The following DHX35 variants were observed in gnomAD, a reference collection of about 807,000 sequenced individuals.
DHX35 encodes probable ATP-dependent RNA helicase DHX35.
In DHX35, 84 loss-of-function variants were observed where a neutral mutation model predicts 99.6. That is an observed-to-expected ratio of 0.84 (90% CI 0.71 to 1.01). The LOEUF (loss-of-function observed/expected upper bound fraction) is 1.01, where lower values mean the gene tolerates loss of function less well. Ranked by LOEUF, DHX35 falls within the 50% of genes least tolerant of loss-of-function variation. The pLI, the probability that DHX35 is intolerant of heterozygous loss-of-function variation, is 0.00. For missense variants in DHX35, 852 were observed against 888.5 expected (o/e 0.96, Z 0.52); for synonymous variants, 331 against 316.2 (o/e 1.05, Z -0.50).
At chr20:38,981,196 G>C (rs2086166411) in intron 3 of DHX35, among the ~76,000 whole-genome samples, 1 of 152,070 alleles carries the variant, frequency 6.6e-6, no homozygotes. Context: ...ATGTATCTTG[G>C]GGGACATATT....
chr20:38,978,383 G>T (rs1294740463), intron 3 of DHX35: 2 of 704,348 alleles, frequency 2.8e-6, no homozygotes, highest in African/African-American at 1.7e-5. Flanking sequence ...TAGTTCTGGG[G>T]CCTCACAGGG....
At chr20:38,984,539 C>T (rs552560098) in intron 4 of DHX35, among the ~76,000 whole-genome samples, 3 of 152,062 alleles carry the variant, frequency 2.0e-5, no homozygotes, top group African/African-American at 7.2e-5. Context: ...TAAATGTTCA[C>T]CGCAAGATAA....
intron 2 of DHX35, among the ~76,000 whole-genome samples, chr20:38,970,396 C>T (rs2085976497): frequency 6.6e-6 from 1 of 152,192 alleles, no homozygotes; most frequent in Non-Finnish European, 1.5e-5. Context: ...AACTGACTGT[C>T]TCTGGGTTTC....
chr20:39,015,131 G>A (rs761727218), intron 14 of DHX35, among the ~76,000 whole-genome samples, 197 bp downstream of exon 14: 1 of 152,138 alleles, frequency 6.6e-6, no homozygotes, highest in Admixed American at 6.5e-5. Context: ...AATTATGACA[G>A]CCAGTATATA....
Position 39,034,208 on chromosome 20 carries a change from T to C in DHX35, c.1958T>C (p.Val653Ala). Reference protein sequence around the residue: ...VLYAEKPPRWVIYNEVIQTSK... With the variant: ...VLYAEKPPRWAIYNEVIQTSK... Reference sequence around the variant, plus strand: ...CTCATGTTTCTTTCTCATTTCAGGGTCATCTATAACGAAGTTATACAGACC... The same window carrying C: ...CTCATGTTTCTTTCTCATTTCAGGGCCATCTATAACGAAGTTATACAGACC... The change falls in exon 21 of 22, where the codon GTC becomes GCC. Residue 653 changes from valine to alanine, a missense_variant and splice_region_variant. Physicochemically the swap from Val to Ala is moderately conservative, Grantham distance 64. Transcript: ENST00000252011. 6.2e-7 allele frequency: 1 copy of C among 1,610,706 alleles called. No homozygotes were observed. Among genetic ancestry groups the C allele is most frequent in the Non-Finnish European group, 8.5e-7 (1 of 1,177,206 alleles).
intron 3 of DHX35, among the ~76,000 whole-genome samples, chr20:38,979,307 A>G (rs1219411335): frequency 6.6e-6 from 1 of 152,216 alleles, no homozygotes; most frequent in Non-Finnish European, 1.5e-5. Flanking sequence ...GCACACATAT[A>G]GATATTTTTA....
intron 15 of DHX35, 40 bp from the exon 16 acceptor site, chr20:39,021,801 C>T: frequency 1.3e-6 from 2 of 1,590,410 alleles, no homozygotes; most frequent in African/African-American, 1.3e-5. Context: ...CTTGTTGGCA[C>T]ATTATATGGT....
chr20:38,967,601 C>G (rs967650218), intron 1 of DHX35, among the ~76,000 whole-genome samples: 3 of 152,188 alleles, frequency 2.0e-5, no homozygotes, highest in Non-Finnish European at 4.4e-5. Flanking sequence ...TATGTTTCTC[C>G]TGAGTTGTTT....
intron 3 of DHX35, among the ~76,000 whole-genome samples, chr20:38,980,996 T>A (rs927998030): frequency 8.5e-5 from 13 of 152,214 alleles, no homozygotes; most frequent in Non-Finnish European, 1.8e-4. Flanking sequence ...TATGTCATGT[T>A]TTCTCATGAT....
At chr20:38,967,129 G>A (rs546107965) in intron 1 of DHX35, among the ~76,000 whole-genome samples, 8 of 25,674 alleles carry the variant, frequency 3.1e-4, no homozygotes, top group African/African-American at 1.4e-3. Flanking sequence ...GCTCTAGGGG[G>A]TCTACGGACC....
intron 21 of DHX35, among the ~76,000 whole-genome samples, chr20:39,035,882 TTA>T (rs1323577046): frequency 1.3e-5 from 2 of 152,246 alleles, no homozygotes; most frequent in Admixed American, 1.3e-4. Context: ...TTTCACACCT[TTA>T]TAGTTCTTCA....
intron 12 of DHX35, among the ~76,000 whole-genome samples, chr20:39,008,822 C>G (rs2086657363): frequency 6.6e-6 from 1 of 152,222 alleles, no homozygotes; most frequent in Admixed American, 6.5e-5. Flanking sequence ...CCCAACAGAT[C>G]CTCCTTGTCC....
chr20:38,988,735 C>T (rs1249964313), intron 4 of DHX35, 78 bp from the exon 5 acceptor site: 11 of 1,580,166 alleles, frequency 7.0e-6, no homozygotes, highest in Non-Finnish European at 7.8e-6. Flanking sequence ...ATATAAATGA[C>T]CTTTAGATTT....
chr20:38,971,998 TG>T (rs375292456), intron 2 of DHX35, among the ~76,000 whole-genome samples: 1,749 of 135,672 alleles, frequency 0.013, 85 homozygotes, highest in Non-Finnish European at 0.019. Context: ...TTTTTTGTTT[TG>T]TTTTGTTTTT....
intron 15 of DHX35, among the ~76,000 whole-genome samples, chr20:39,020,920 C>G (rs1047762631): frequency 3.3e-5 from 5 of 152,112 alleles, no homozygotes; most frequent in African/African-American, 9.7e-5. Flanking sequence ...GCCTTGGCCT[C>G]CCAAAGTGCT....
intron 3 of DHX35, among the ~76,000 whole-genome samples, chr20:38,975,030 A>G (rs772154699): frequency 2.0e-5 from 3 of 152,176 alleles, no homozygotes; most frequent in Non-Finnish European, 4.4e-5. Flanking sequence ...TATGTTAACA[A>G]TGTGTTGTTG....
chr20:38,973,414 C>T (rs1466745281), intron 3 of DHX35, among the ~76,000 whole-genome samples: 2 of 152,172 alleles, frequency 1.3e-5, no homozygotes, highest in Non-Finnish European at 2.9e-5. Context: ...GCACCCAGAT[C>T]AAGAAGCAGA....
At chr20:39,011,357 A>G (rs891958534) in intron 13 of DHX35, among the ~76,000 whole-genome samples, 2 of 151,354 alleles carry the variant, frequency 1.3e-5, no homozygotes, top group African/African-American at 2.4e-5. Flanking sequence ...TTATTTTCTG[A>G]GACAGTCTCA....
At chr20:39,017,192 C>A (rs114750571) in intron 14 of DHX35, among the ~76,000 whole-genome samples, 1,553 of 152,078 alleles carry the variant, frequency 0.01, 30 homozygotes, top group African/African-American at 0.033. Flanking sequence ...TTTTAAGTTA[C>A]TTTTTTGGTA....
Sources: allele counts gnomAD v4.1 joint callset (sites outside exome capture counted in the v4.1 genomes callset), GRCh38; gene constraint gnomAD v4.1.1; transcripts MANE v1.5; gene names NCBI Gene and HGNC (gene_info 2026-07-23, HGNC 2026-07-21).